Variants in DMD observed in about 807,000 individuals in gnomAD.
The protein encoded by DMD is dystrophin.
Under a neutral mutation model 330.1 loss-of-function variants are expected in DMD, and 63 were observed. The observed-to-expected ratio is 0.19, with a 90% CI of 0.16 to 0.24. DMD has a LOEUF of 0.24. DMD is among the 10% of genes least tolerant of loss of function. The pLI is 1.00. For missense variants in DMD, 3,344 were observed against 2,684.1 expected, an observed-to-expected ratio of 1.25 and a Z score of -5.43; for synonymous variants, 1,223 against 959.8, an observed-to-expected ratio of 1.27 and a Z score of -5.07.
intron 44 of DMD, among the ~76,000 whole-genome samples, chrX:32,008,303 G>A (rs184639407): frequency 2.7e-5 from 3 of 111,931 alleles, no homozygotes; most frequent in Non-Finnish European, 5.6e-5. Flanking sequence ...ATACAGAATT[G>A]TGGAGCTTTG....
intron 53 of DMD, among the ~76,000 whole-genome samples, chrX:31,665,286 T>C (rs188606281): frequency 4.7e-4 from 53 of 111,940 alleles, no homozygotes; most frequent in East Asian, 8.4e-4. Context: ...AAGTAAGGCA[T>C]TTCTGAAAAA....
intron 54 of DMD, among the ~76,000 whole-genome samples, chrX:31,651,509 A>G (rs2080450826): frequency 9.0e-6 from 1 of 111,715 alleles, no homozygotes; most frequent in East Asian, 2.8e-4. Context: ...GCTACTCCCC[A>G]TAACTTAAGA....
chrX:32,092,771 A>C, intron 44 of DMD, among the ~76,000 whole-genome samples: 1 of 76,149 alleles, frequency 1.3e-5, no homozygotes, highest in Admixed American at 1.9e-4. Context: ...GAAACACAGG[A>C]CTGGCTTTGG....
At chrX:32,327,324 T>A (rs1050859986) in intron 41 of DMD, among the ~76,000 whole-genome samples, 3 of 111,536 alleles carry the variant, frequency 2.7e-5, no homozygotes, top group African/African-American at 9.8e-5. Flanking sequence ...TTGGATTTCA[T>A]GAACCTTAAA....
chrX:32,311,096 C>G (rs112427510), intron 41 of DMD, among the ~76,000 whole-genome samples: 10 of 110,486 alleles, frequency 9.1e-5, no homozygotes, highest in African/African-American at 3.3e-4. Context: ...ACTTGGCAGG[C>G]AAATTCAGAA....
chrX:32,410,062 A>G (rs1422518249), intron 30 of DMD, among the ~76,000 whole-genome samples: 1 of 111,760 alleles, frequency 8.9e-6, no homozygotes, highest in Non-Finnish European at 1.9e-5. Flanking sequence ...AATTCTAGAG[A>G]ACCTGGCTTG....
chrX:32,674,943 C>A (rs186276393), intron 9 of DMD, among the ~76,000 whole-genome samples: 1 of 110,976 alleles, frequency 9.0e-6, no homozygotes, highest in East Asian at 2.8e-4. Flanking sequence ...CTAAATAATA[C>A]AGGATATAAT....
At chrX:32,179,925 G>A (rs763379850) in intron 44 of DMD, among the ~76,000 whole-genome samples, 1 of 112,215 alleles carries the variant, frequency 8.9e-6, no homozygotes, top group East Asian at 2.8e-4. Context: ...CCCTAGTCAT[G>A]TGAGACTGTG....
intron 2 of DMD, among the ~76,000 whole-genome samples, chrX:32,977,560 A>AGAT (rs1159920651): frequency 9.0e-6 from 1 of 111,199 alleles, no homozygotes; most frequent in Non-Finnish European, 1.9e-5. Flanking sequence ...GTATTGTCAA[A>AGAT]GATAATTGTG....
chrX:31,540,728 G>C (rs1229399453), intron 55 of DMD, among the ~76,000 whole-genome samples: 1 of 111,671 alleles, frequency 9.0e-6, no homozygotes, highest in Non-Finnish European at 1.9e-5. Context: ...TATAATACCA[G>C]AAAACTTAGA....
chrX:32,340,036 T>A (rs1379751853), intron 41 of DMD, among the ~76,000 whole-genome samples: 3 of 111,784 alleles, frequency 2.7e-5, no homozygotes, highest in Non-Finnish European at 5.6e-5. Context: ...CTCTAATCAG[T>A]GGCCACAGTG....
intron 47 of DMD, among the ~76,000 whole-genome samples, chrX:31,915,964 A>G (rs1569511340): frequency 8.9e-6 from 1 of 111,993 alleles, no homozygotes; most frequent in Non-Finnish European, 1.9e-5. Context: ...TAATCCCTGA[A>G]TATGGGCCTG....
At chrX:33,182,128 C>A (rs1016455623) in intron 1 of DMD, among the ~76,000 whole-genome samples, 1 of 112,283 alleles carries the variant, frequency 8.9e-6, no homozygotes, top group African/African-American at 3.2e-5. Context: ...AAAAATATTA[C>A]AAAACAAAAC....
intron 38 of DMD, 61 bp from the exon 39 acceptor site, chrX:32,346,141 C>T (rs878920392): frequency 1.8e-6 from 2 of 1,122,821 alleles, no homozygotes; most frequent in African/African-American, 3.6e-5. Flanking sequence ...ACATTGTTAA[C>T]AGAGATAATA....
At chrX:31,276,179 C>T (rs1441106021) in intron 62 of DMD, among the ~76,000 whole-genome samples, 1 of 111,772 alleles carries the variant, frequency 8.9e-6, no homozygotes, top group Non-Finnish European at 1.9e-5. Flanking sequence ...GCCTCAGCCT[C>T]CCAAGTAGCT....
chrX:32,414,014 C>A (rs187324467), intron 29 of DMD, among the ~76,000 whole-genome samples: 2 of 111,411 alleles, frequency 1.8e-5, no homozygotes, highest in African/African-American at 6.5e-5. Context: ...AGACATTGCG[C>A]GCAGCCAAAA....
chrX:32,067,754 C>T (rs750329165), intron 44 of DMD, among the ~76,000 whole-genome samples: 2 of 111,960 alleles, frequency 1.8e-5, no homozygotes, highest in African/African-American at 6.5e-5. Context: ...TCCAATCCAA[C>T]GTTGACGGAC....
At chrX:32,880,284 CAA>C (rs35737187) in intron 2 of DMD, among the ~76,000 whole-genome samples, 4 of 85,021 alleles carry the variant, frequency 4.7e-5, no homozygotes, top group Non-Finnish European at 2.3e-5. Context: ...CCAACAGGGC[CAA>C]AAAAAAAAAA....
chrX:32,481,388 T>G (rs1335719231), intron 21 of DMD, among the ~76,000 whole-genome samples: 1 of 111,608 alleles, frequency 9.0e-6, no homozygotes, highest in African/African-American at 3.3e-5. Flanking sequence ...CTTCTTCACA[T>G]ACCAGCTAGA....
Sources: gnomAD v4.1 joint callset for allele counts (sites outside exome capture counted in the v4.1 genomes callset) on GRCh38, gnomAD v4.1.1 for gene constraint, MANE v1.5 for transcripts, NCBI Gene and HGNC (gene_info 2026-07-23, HGNC 2026-07-21) for gene names.